Variants in CAND2 observed in about 807,000 individuals in gnomAD.
CAND2 encodes cullin-associated NEDD8-dissociated protein 2.
Under a neutral mutation model 98.9 loss-of-function variants are expected in CAND2, and 62 were observed. That is an observed-to-expected ratio of 0.63 (90% CI 0.51 to 0.77). CAND2 has a LOEUF of 0.77. Ranked by LOEUF, CAND2 falls within the 30% of genes least tolerant of loss-of-function variation. CAND2 has a pLI of 0.00. For missense variants in CAND2, 1,501 were observed against 1,655.2 expected (o/e 0.91, Z 1.62); for synonymous variants, 770 against 731.9 (o/e 1.05, Z -0.84).
Position 12,816,394 on chromosome 3 carries a change from G to T in CAND2, c.1462G>T (p.Asp488Tyr), listed in dbSNP as rs566157926. The T allele has an allele frequency of 3.1e-6, 5 of 1,612,398 alleles. No individual in the cohort carries two copies. In the African/African-American group the frequency reaches 6.7e-5, roughly 22 times the overall value. The change falls in exon 10 of 15, where the codon GAC (aspartate) becomes TAC (tyrosine). Residue 488 changes from aspartate (D) to tyrosine (Y), a missense_variant. By Grantham distance (160) the Asp-to-Tyr change is radical. This residue lies in a region of CAND2 where 1,427 missense variants were observed against 1,545.3 expected (regional missense o/e 0.92). Coordinates refer to ENST00000456430, the MANE Select transcript of CAND2 (RefSeq NM_001162499.2). ...LVSGIIFSLA[D>Y]RSSSSTIRMD... Reference sequence around the variant, plus strand: ...TGCAGGCATCATCTTCTCGCTGGCCGACCGCTCCAGCTCCTCCACCATCCG... The same window carrying T: ...TGCAGGCATCATCTTCTCGCTGGCCTACCGCTCCAGCTCCTCCACCATCCG...
intron 10 of CAND2, among the ~76,000 whole-genome samples, chr3:12,818,793 G>T (rs528610892): frequency 6.6e-6 from 1 of 152,182 alleles, no homozygotes; most frequent in South Asian, 2.1e-4. Flanking sequence ...GGCCTTCTTG[G>T]GTTGCTGGGT....
chr3:12,820,050 CT>C, intron 10 of CAND2, 35 bp from the exon 11 acceptor site: 2 of 1,567,612 alleles, frequency 1.3e-6, no homozygotes, highest in Non-Finnish European at 1.8e-6. Flanking sequence ...GGATTGGCCC[CT>C]GCCCCTCACT....
chr3:12,815,470 T>G lies in CAND2; in HGVS notation c.1299+37T>G, dbSNP rs777617837. On this transcript the variant is annotated intron_variant, in intron 8 of 14. Transcript: ENST00000456430. The surrounding 1 kb of genome is among the most constrained non-coding windows in gnomAD (Gnocchi z 5.7). ...TTCACCTCCACCCCTACCCCCGATTTGCCTACCCAGCCACTCACTGTTAGT... is the reference window on the plus strand; with the variant it reads ...TTCACCTCCACCCCTACCCCCGATTGGCCTACCCAGCCACTCACTGTTAGT... The G allele has an allele frequency of 2.2e-4, 340 of 1,566,094 alleles. No homozygotes were observed. Among genetic ancestry groups the G allele is most frequent in the Non-Finnish European group, 2.6e-4 (296 of 1,150,174 alleles).
intron 2 of CAND2, among the ~76,000 whole-genome samples, chr3:12,805,447 C>A (rs925281471): frequency 2.7e-4 from 41 of 151,984 alleles, no homozygotes. Context: ...ACCACCACAC[C>A]CGGCTAATTT....
Position 12,834,069 on chromosome 3 carries a change from T to G in CAND2, c.*87T>G. 9.0e-7 allele frequency: 1 copy of G among 1,114,878 alleles called. No individual in the cohort carries two copies. The highest frequency in any genetic ancestry group is 1.3e-6 in the Non-Finnish European group (1 of 751,752). The allele number at this position is 1,114,878 out of a possible 1,614,324, so 69.1% of individuals were successfully genotyped here. A position where few individuals can be genotyped will look rare whatever the true frequency, so the allele number is the denominator to read the frequency against. On this transcript the variant is annotated 3_prime_UTR_variant, in exon 15 of 15. Coordinates refer to ENST00000456430, the MANE Select transcript of CAND2 (RefSeq NM_001162499.2). Reference sequence around the variant, plus strand: ...TCCCCATCCCACCATCGCAGGTCTCTACTTTTGCCCTTCCACCATCTCACT... The same window carrying G: ...TCCCCATCCCACCATCGCAGGTCTCGACTTTTGCCCTTCCACCATCTCACT...
chr3:12,822,150 C>T (rs562484159), intron 11 of CAND2, among the ~76,000 whole-genome samples: 191 of 152,190 alleles, frequency 1.3e-3, no homozygotes, highest in African/African-American at 4.3e-3. Flanking sequence ...TTTCTTCTCT[C>T]CCACTTATTT....
At position 12,817,678 on chromosome 3, in the gene CAND2, C is replaced by T. The variant is rs781042845; in HGVS notation, c.2746C>T (p.His916Tyr). The T allele has an allele frequency of 1.9e-6, 3 of 1,608,638 alleles. No individual in the cohort carries two copies. The highest frequency in any genetic ancestry group is 2.5e-6 in the Non-Finnish European group (3 of 1,177,270). Residue 916 changes from histidine (H) to tyrosine (Y), a missense_variant, in exon 10 of 15, where the codon CAC (histidine) becomes TAC (tyrosine). Physicochemically the swap from His to Tyr is moderately conservative, Grantham distance 83. Coordinates refer to ENST00000456430, the MANE Select transcript of CAND2 (RefSeq NM_001162499.2). ...AEPRRQYLLL[H>Y]SLREALGAAQ... ...GCCCCGACGACAGTACCTGCTGCTG[C>T]ACTCACTCAGGGAGGCCCTGGGGGC...
At chr3:12,813,197 C>G in intron 6 of CAND2, 49 bp from the exon 7 acceptor site, 1 of 1,606,318 alleles carries the variant, frequency 6.2e-7, no homozygotes, top group Non-Finnish European at 8.5e-7. Flanking sequence ...CTGTCCCCCA[C>G]TCCTGTCCTG....
chr3:12,822,458 G>C (rs1051725747), intron 11 of CAND2, among the ~76,000 whole-genome samples: 9 of 151,918 alleles, frequency 5.9e-5, no homozygotes, highest in Non-Finnish European at 1.2e-4. Flanking sequence ...CACCACACCT[G>C]GCTACTTTTT....
At chr3:12,811,711 A>G (rs1050407285) in intron 5 of CAND2, among the ~76,000 whole-genome samples, 6 of 152,008 alleles carry the variant, frequency 3.9e-5, no homozygotes, top group Non-Finnish European at 7.4e-5. Context: ...AGCTGGCACT[A>G]CAGGCGCACG....
intron 10 of CAND2, among the ~76,000 whole-genome samples, chr3:12,818,601 T>C (rs112159839): frequency 2.0e-5 from 3 of 152,106 alleles, no homozygotes; most frequent in African/African-American, 7.2e-5. Context: ...AAAATGAGAG[T>C]TCCCAGAATG....
intron 1 of CAND2, among the ~76,000 whole-genome samples, 200 bp from the exon 2 acceptor site, chr3:12,803,288 G>A (rs1035668735): frequency 5.9e-5 from 9 of 152,160 alleles, no homozygotes; most frequent in Middle Eastern, 3.4e-3. Context: ...CATTGCGCCC[G>A]GCCAGCTCCA....
chr3:12,819,532 C>T (rs993785813), intron 10 of CAND2, among the ~76,000 whole-genome samples: 3 of 152,156 alleles, frequency 2.0e-5, no homozygotes, highest in Admixed American at 6.5e-5. Flanking sequence ...TCTCTGTGAC[C>T]GAGCCTGGAG....
At chr3:12,821,626 C>T (rs1046141680) in intron 11 of CAND2, among the ~76,000 whole-genome samples, 14 of 151,752 alleles carry the variant, frequency 9.2e-5, no homozygotes, top group African/African-American at 3.4e-4. Context: ...TTGGCTAGCA[C>T]CACCAGCGAC....
intron 11 of CAND2, 49 bp downstream of exon 11, chr3:12,820,230 G>A: frequency 7.1e-7 from 1 of 1,406,750 alleles, no homozygotes; most frequent in Non-Finnish European, 1.0e-6. Context: ...CCCCCACCCA[G>A]TCCTTGAGCT....
Position 12,827,492 on chromosome 3 carries a change from A to G in CAND2, c.3263A>G (p.Lys1088Arg), listed in dbSNP as rs2062013671. 3 of 1,613,980 alleles carry G rather than the reference A, an allele frequency of 1.9e-6. No individual in the cohort carries two copies. Among genetic ancestry groups the G allele is most frequent in the Admixed American group, 1.7e-5 (1 of 59,998 alleles). The part of the protein sequence containing the change: ...HTVDDGLDVR[K>R]AAFECMYSLL... The stretch of plus-strand genomic sequence containing the variant: ...GTGGACGATGGGCTGGACGTGCGGA[A>G]GGCGGCCTTTGAATGCATGTATTCA... Residue 1088 changes from lysine (K) to arginine (R), a missense_variant, in exon 13 of 15, where the codon AAG (lysine) becomes AGG (arginine). Transcript: ENST00000456430.
chr3:12,833,361 T>G (rs2062070845), intron 14 of CAND2, among the ~76,000 whole-genome samples: 1 of 152,178 alleles, frequency 6.6e-6, no homozygotes, highest in Non-Finnish European at 1.5e-5. Flanking sequence ...GATCCATTCA[T>G]TCAGTCTAGT....
intron 13 of CAND2, among the ~76,000 whole-genome samples, chr3:12,830,206 G>GA: frequency 6.6e-6 from 1 of 152,312 alleles, no homozygotes; most frequent in Admixed American, 6.5e-5. Flanking sequence ...CCAAGAAAGA[G>GA]AAAAGAAGAA....
At chr3:12,821,146 A>G (rs1005466018) in intron 11 of CAND2, among the ~76,000 whole-genome samples, 3 of 152,010 alleles carry the variant, frequency 2.0e-5, no homozygotes, top group South Asian at 4.1e-4. Flanking sequence ...AGGCAGGAGA[A>G]TCACTTGATC....
Sources: allele counts gnomAD v4.1 joint callset (sites outside exome capture counted in the v4.1 genomes callset), GRCh38; gene constraint gnomAD v4.1.1; regional missense constraint gnomAD v4.1.1; non-coding constraint Gnocchi (gnomAD v3.1); transcripts MANE v1.5; gene names NCBI Gene and HGNC (gene_info 2026-07-23, HGNC 2026-07-21).